SDK1: variants seen among roughly 807,000 people sequenced by gnomAD.
The protein encoded by SDK1 is protein sidekick-1.
Under a neutral mutation model 245.5 loss-of-function variants are expected in SDK1, and 157 were observed. The ratio of observed to expected loss-of-function variants is 0.64; its 90% CI spans 0.56 to 0.73. The LOEUF (loss-of-function observed/expected upper bound fraction) is 0.73, where lower values mean the gene tolerates loss of function less well. Among genes scored for constraint, SDK1 ranks in the 30% least tolerant of loss-of-function variants. The probability of loss-of-function intolerance (pLI) is 0.00; values close to 1 mark genes in which losing one functional copy is unlikely to be tolerated. For missense variants in SDK1, 3,583 were observed against 3,002.3 expected (o/e 1.19, Z -4.52); for synonymous variants, 1,647 against 1,278.5 (o/e 1.29, Z -6.15).
At chr7:4,245,556 T>A in intron 43 of SDK1, 120 bp from the exon 44 acceptor site, 1 of 1,204,456 alleles carries the variant, frequency 8.3e-7, no homozygotes. Flanking sequence ...CAAAGTGATG[T>A]CAAAGGCTGT....
chr7:4,212,162 C>A (rs756207836), intron 38 of SDK1, among the ~76,000 whole-genome samples: 1 of 152,314 alleles, frequency 6.6e-6, no homozygotes, highest in African/African-American at 2.4e-5. Flanking sequence ...AGAATATCGG[C>A]GCTCCATTTA....
chr7:3,546,990 G>A (rs1001703046), intron 1 of SDK1, among the ~76,000 whole-genome samples: 1 of 152,046 alleles, frequency 6.6e-6, no homozygotes, highest in Admixed American at 6.6e-5. Context: ...GGGAGGGGAG[G>A]AAAATCTGAA....
intron 4 of SDK1, among the ~76,000 whole-genome samples, chr7:3,772,954 C>A (rs1179131450): frequency 1.3e-5 from 2 of 152,186 alleles, no homozygotes; most frequent in African/African-American, 2.4e-5. Flanking sequence ...TGCAGTTTCA[C>A]TGATTTCAAG....
intron 1 of SDK1, among the ~76,000 whole-genome samples, chr7:3,560,636 C>T (rs765818157): frequency 1.3e-5 from 2 of 152,146 alleles, no homozygotes; most frequent in African/African-American, 4.8e-5. Flanking sequence ...AGCGTTGGCA[C>T]GATCCTGTAA....
intron 23 of SDK1, among the ~76,000 whole-genome samples, chr7:4,113,057 C>T (rs1004157459): frequency 2.6e-5 from 4 of 152,150 alleles, no homozygotes; most frequent in Non-Finnish European, 5.9e-5. Context: ...CCACCGCCTG[C>T]CTTGGCCTCC....
intron 40 of SDK1, among the ~76,000 whole-genome samples, chr7:4,229,326 A>G (rs1351384305): frequency 6.6e-6 from 1 of 152,210 alleles, no homozygotes; most frequent in Non-Finnish European, 1.5e-5. Context: ...TAATTTGGGA[A>G]AGGCAGAAGT....
intron 1 of SDK1, among the ~76,000 whole-genome samples, chr7:3,369,247 T>C (rs2128562838): frequency 6.6e-6 from 1 of 152,250 alleles, no homozygotes; most frequent in South Asian, 2.1e-4. Context: ...GGTTTCACCA[T>C]GTTGGCGAGG....
chr7:4,243,885 A>T (rs1000917502), intron 43 of SDK1, among the ~76,000 whole-genome samples: 2 of 152,188 alleles, frequency 1.3e-5, no homozygotes, highest in African/African-American at 4.8e-5. Context: ...TCTTAGAAAT[A>T]CGGGCACAGT....
intron 4 of SDK1, among the ~76,000 whole-genome samples, chr7:3,798,530 T>C (rs1487998846): frequency 6.6e-6 from 1 of 152,180 alleles, no homozygotes; most frequent in East Asian, 1.9e-4. Flanking sequence ...CTTGACACTC[T>C]TGATGAGTGC....
chr7:3,686,583 A>G (rs1784288122), intron 4 of SDK1, among the ~76,000 whole-genome samples: 1 of 152,214 alleles, frequency 6.6e-6, no homozygotes, highest in Admixed American at 6.5e-5. Flanking sequence ...GCAGTTTTTC[A>G]TAAATCTAAA....
intron 1 of SDK1, among the ~76,000 whole-genome samples, chr7:3,408,922 G>C (rs1335968439): frequency 6.6e-6 from 1 of 152,158 alleles, no homozygotes; most frequent in Admixed American, 6.5e-5. Context: ...AAACAATGCT[G>C]ATGTACAGTT....
chr7:3,612,352 T>C (rs747546911), intron 1 of SDK1, among the ~76,000 whole-genome samples: 1 of 152,194 alleles, frequency 6.6e-6, no homozygotes, highest in Non-Finnish European at 1.5e-5. Flanking sequence ...TATTTAAACC[T>C]CACCCCAGAA....
At chr7:3,662,726 A>G (rs1783404898) in intron 4 of SDK1, among the ~76,000 whole-genome samples, 1 of 152,216 alleles carries the variant, frequency 6.6e-6, no homozygotes, top group African/African-American at 2.4e-5. Context: ...TACAAATTAT[A>G]TACAGGTTGA....
intron 1 of SDK1, among the ~76,000 whole-genome samples, chr7:3,499,627 A>G (rs1782132879): frequency 1.3e-5 from 2 of 152,216 alleles, no homozygotes; most frequent in South Asian, 4.1e-4. Context: ...TGTTGTTTTA[A>G]AAATGGAGTA....
chr7:3,905,395 ACTTT>A (rs1778865015), intron 5 of SDK1, among the ~76,000 whole-genome samples: 2 of 152,160 alleles, frequency 1.3e-5, no homozygotes, highest in African/African-American at 4.8e-5. Flanking sequence ...TTGATATTTC[ACTTT>A]CTTTCAATCC....
At chr7:3,587,746 A>G (rs1308657838) in intron 1 of SDK1, among the ~76,000 whole-genome samples, 3 of 152,198 alleles carry the variant, frequency 2.0e-5, no homozygotes, top group Non-Finnish European at 4.4e-5. Context: ...CCCGTGGCCC[A>G]CTCAAGTTGA....
chr7:3,579,155 G>T (rs914332275), intron 1 of SDK1, among the ~76,000 whole-genome samples: 1 of 151,920 alleles, frequency 6.6e-6, no homozygotes, highest in Non-Finnish European at 1.5e-5. Flanking sequence ...AATAAATTGA[G>T]GAGGAGGGAT....
At chr7:4,022,432 G>A (rs1455539821) in intron 17 of SDK1, among the ~76,000 whole-genome samples, 1 of 152,180 alleles carries the variant, frequency 6.6e-6, no homozygotes, top group African/African-American at 2.4e-5. Flanking sequence ...CGAATGCCCG[G>A]GAAAGATGGT....
intron 1 of SDK1, among the ~76,000 whole-genome samples, chr7:3,363,232 G>C (rs1176148048): frequency 6.6e-6 from 1 of 152,074 alleles, no homozygotes; most frequent in Non-Finnish European, 1.5e-5. Flanking sequence ...TTATACTTTG[G>C]ATATTGCTCT....
Sources: gnomAD v4.1 joint callset for allele counts (sites outside exome capture counted in the v4.1 genomes callset) on GRCh38, gnomAD v4.1.1 for gene constraint, MANE v1.5 for transcripts, NCBI Gene and HGNC (gene_info 2026-07-23, HGNC 2026-07-21) for gene names.